The following PCDHGA7 variants were observed in gnomAD, a reference collection of about 807,000 sequenced individuals.
PCDHGA7 encodes protocadherin gamma-A7.
A neutral mutation model predicts 58.3 loss-of-function variants in PCDHGA7; 44 were observed. The observed-to-expected ratio is 0.75, with a 90% CI of 0.59 to 0.97. The LOEUF (loss-of-function observed/expected upper bound fraction) is 0.97. PCDHGA7 is among the 50% of genes least tolerant of loss of function. The pLI is 0.00. For synonymous variants in PCDHGA7, 516 were observed against 504.2 expected, an observed-to-expected ratio of 1.02 and a Z score of -0.31; for missense variants, 1,266 against 1,188.7, an observed-to-expected ratio of 1.06 and a Z score of -0.96.
In PCDHGA7 at chr5:141,432,908, C is replaced by T. The variant is rs757934634; in HGVS notation, c.2424+47585C>T. On this transcript the variant is annotated intron_variant, in intron 1 of 3. Transcript: ENST00000518325. This position sits in a 1 kb window ranked among gnomAD's most constrained non-coding sequence, Gnocchi z 6.0. Reference sequence around the variant, plus strand: ...CATCTTGCTGCTGGCGCTCAGGCTGCGGCGCTGGCACAAGTCACGCCTGCT... The same window carrying T: ...CATCTTGCTGCTGGCGCTCAGGCTGTGGCGCTGGCACAAGTCACGCCTGCT... 3.7e-5 allele frequency: 60 copies of T among 1,614,050 alleles called. No individual in the cohort carries two copies. Among genetic ancestry groups the T allele is most frequent in the Middle Eastern group, 3.3e-4 (2 of 6,082 alleles).
intron 1 of PCDHGA7, chr5:141,410,511 G>C (rs755576652): frequency 6.2e-7 from 1 of 1,613,824 alleles, no homozygotes; most frequent in Non-Finnish European, 8.5e-7. Flanking sequence ...CTAAAATGCA[G>C]TGTGCCCCTA....
At chr5:141,399,341 C>T in intron 1 of PCDHGA7, 2 of 1,613,938 alleles carry the variant, frequency 1.2e-6, no homozygotes, top group Non-Finnish European at 1.7e-6. Context: ...ACAGATGGAA[C>T]CCTAGACCGA....
intron 1 of PCDHGA7, among the ~76,000 whole-genome samples, chr5:141,437,034 C>T (rs1282216386): frequency 1.3e-5 from 2 of 152,194 alleles, no homozygotes. Context: ...AAATGGATCA[C>T]CGAAACCAGA....
Position 141,384,160 on chromosome 5 carries a change from A to G in PCDHGA7, c.1261A>G (p.Thr421Ala). Residue 421 changes from threonine (T) to alanine (A), a missense_variant, in exon 1 of 4, where the codon ACA (threonine) becomes GCA (alanine). Physicochemically the swap from Thr to Ala is moderately conservative, Grantham distance 58. Transcript: ENST00000518325. ...GGAAACACTCTCTTTGTATAACATC[A>G]CACTGAAAGCCACAGATGGTGGAAC... is the stretch of plus-strand genomic sequence containing the variant. ...DRETLSLYNI[T>A]LKATDGGTPP... 1 of 1,613,640 alleles carries G rather than the reference A, an allele frequency of 6.2e-7. No individual in the cohort carries two copies. The highest frequency in any genetic ancestry group is 1.3e-5 in the African/African-American group (1 of 75,064).
At position 141,431,270 on chromosome 5, in the gene PCDHGA7, G is replaced by C. The variant is rs369177310; in HGVS notation, c.2424+45947G>C. 1.2e-5 allele frequency: 19 copies of C among 1,613,996 alleles called. No homozygotes were observed. Among genetic ancestry groups the C allele is most frequent in the Non-Finnish European group, 1.5e-5 (18 of 1,180,018 alleles). ...CGGGAAGAACTCTCTGCAGAGCTAC[G>C]AGCTCAGCCCGAACACTCACTTCTC... is the stretch of plus-strand genomic sequence containing the variant. On this transcript the variant is annotated intron_variant, in intron 1 of 3. Coordinates refer to ENST00000518325, the MANE Select transcript of PCDHGA7 (RefSeq NM_018920.4). This position sits in a 1 kb window ranked among gnomAD's most constrained non-coding sequence, Gnocchi z 4.8.
At chr5:141,409,462 C>A (rs377705841) in intron 1 of PCDHGA7, 64 of 1,613,870 alleles carry the variant, frequency 4.0e-5, no homozygotes, top group Non-Finnish European at 5.3e-5. Flanking sequence ...AATACAATGT[C>A]ACCATCGTAG....
intron 1 of PCDHGA7, chr5:141,415,740 G>GTTTTTTGTTT (rs2095911797): frequency 3.9e-6 from 2 of 515,998 alleles, no homozygotes; most frequent in African/African-American, 2.8e-5. Context: ...GTTTATTAAG[G>GTTTTTTGTTT]TTTTTTTTTT....
chr5:141,409,474 C>T, intron 1 of PCDHGA7: 1 of 1,614,002 alleles, frequency 6.2e-7, no homozygotes, highest in Non-Finnish European at 8.5e-7. Flanking sequence ...CCATCGTAGC[C>T]ACTGACAGGG....
At chr5:141,498,670 G>A (rs1266576450) in intron 2 of PCDHGA7, among the ~76,000 whole-genome samples, 1 of 152,066 alleles carries the variant, frequency 6.6e-6, no homozygotes, top group Non-Finnish European at 1.5e-5. Flanking sequence ...GGTGGCTCAC[G>A]CCTGTAATCC....
intron 1 of PCDHGA7, among the ~76,000 whole-genome samples, chr5:141,488,305 T>C (rs1452293355): frequency 6.6e-6 from 1 of 152,234 alleles, no homozygotes; most frequent in African/African-American, 2.4e-5. Context: ...AAATCACTTA[T>C]GTCAGAAAAC....
intron 1 of PCDHGA7, among the ~76,000 whole-genome samples, chr5:141,401,282 C>T (rs963741934): frequency 2.6e-5 from 4 of 151,884 alleles, no homozygotes; most frequent in Non-Finnish European, 4.4e-5. Flanking sequence ...GTGGAGGTTG[C>T]GGTGAGCCGA....
Position 141,431,067 on chromosome 5 carries a change from A to G in PCDHGA7, c.2424+45744A>G. The G allele has an allele frequency of 1.2e-6, 2 of 1,614,164 alleles. No homozygotes were observed. Among genetic ancestry groups the G allele is most frequent in the Non-Finnish European group, 1.7e-6 (2 of 1,179,976 alleles). Reference sequence around the variant, plus strand: ...CTCTGTATGGGGGCCATCAAGTGTCAATTAAATCTAGACATTCTGATGGAG... The same window carrying G: ...CTCTGTATGGGGGCCATCAAGTGTCGATTAAATCTAGACATTCTGATGGAG... On this transcript the variant is annotated intron_variant, in intron 1 of 3. Transcript: ENST00000518325. This position sits in a 1 kb window ranked among gnomAD's most constrained non-coding sequence, Gnocchi z 4.8.
intron 1 of PCDHGA7, among the ~76,000 whole-genome samples, chr5:141,465,788 T>A (rs1322471400): frequency 6.6e-6 from 1 of 152,110 alleles, no homozygotes; most frequent in Non-Finnish European, 1.5e-5. Context: ...AGTTTTTTTT[T>A]TTTTAAGAAA....
chr5:141,507,483 T>G (rs2099860964), intron 3 of PCDHGA7, among the ~76,000 whole-genome samples: 1 of 152,184 alleles, frequency 6.6e-6, no homozygotes, highest in South Asian at 2.1e-4. Context: ...GCTGGCCTCC[T>G]GAGGCAGAGC....
At position 141,489,157 on chromosome 5, in the gene PCDHGA7, C is replaced by A. The variant is rs1222682069; in HGVS notation, c.2425-5650C>A. 1.0e-6 allele frequency: 1 copy of A among 984,444 alleles called. No homozygotes were observed. The highest frequency in any genetic ancestry group is 1.6e-5 in the African/African-American group (1 of 61,296). The allele number at this position is 984,444 out of a possible 1,614,324, so 61.0% of individuals were successfully genotyped here. On this transcript the variant is annotated intron_variant, in intron 1 of 3. Coordinates refer to ENST00000518325, the MANE Select transcript of PCDHGA7 (RefSeq NM_018920.4). This position sits in a 1 kb window ranked among gnomAD's most constrained non-coding sequence, Gnocchi z 4.5. ...AGAGGCTGGAAGGAGACATAAGAGA[C>A]TTCAGCTGCTGCATTCCAAGCCCTG...
chr5:141,490,736 A>G lies in PCDHGA7; in HGVS notation c.2425-4071A>G, dbSNP rs747567176. The G allele has an allele frequency of 5.0e-6, 8 of 1,614,084 alleles. No individual in the cohort carries two copies. Among genetic ancestry groups the G allele is most frequent in the Non-Finnish European group, 6.8e-6 (8 of 1,180,034 alleles). On this transcript the variant is annotated intron_variant, in intron 1 of 3. Transcript: ENST00000518325. This position sits in a 1 kb window ranked among gnomAD's most constrained non-coding sequence, Gnocchi z 5.4. The stretch of plus-strand genomic sequence containing the variant: ...TACTCCATTGTAGGAAATCAGGTTC[A>G]GGGAGCCCCAGCCTCCTCCTTTGTG...
In PCDHGA7 at chr5:141,384,354, C is replaced by A. The variant is rs1437330360; in HGVS notation, c.1455C>A (p.Ala485=). 6.2e-7 allele frequency: 1 copy of A among 1,613,844 alleles called. No individual in the cohort carries two copies. Among genetic ancestry groups the A allele is most frequent in the Non-Finnish European group, 8.5e-7 (1 of 1,179,884 alleles). ...TAQDHDSEDN[A]QITYSLAEDT... ...AGGACCACGACAGTGAGGATAATGC[C>A]CAGATCACTTATTCCTTGGCCGAAG... Residue 485 remains alanine, a synonymous_variant, in exon 1 of 4, where the codon GCC becomes GCA. Coordinates refer to ENST00000518325, the MANE Select transcript of PCDHGA7 (RefSeq NM_018920.4).
In PCDHGA7 at chr5:141,485,792, G is replaced by A. The variant is rs114766079; in HGVS notation, c.2425-9015G>A. The A allele has an allele frequency of 6.2e-7, 1 of 1,614,236 alleles. No homozygotes were observed. Among genetic ancestry groups the A allele is most frequent in the East Asian group, 2.2e-5 (1 of 44,880 alleles). ...GCCTTTGGATCGAGAGAAGCAATCG[G>A]ACTACCGCCTGGTGCTGACTGCTGT... On this transcript the variant is annotated intron_variant, in intron 1 of 3. Coordinates refer to ENST00000518325, the MANE Select transcript of PCDHGA7 (RefSeq NM_018920.4). This position sits in a 1 kb window ranked among gnomAD's most constrained non-coding sequence, Gnocchi z 5.7.
rs747474981 is a variant in PCDHGA7, at chr5:141,383,546, A to G, written c.647A>G (p.Asp216Gly). 6.2e-7 allele frequency: 1 copy of G among 1,612,542 alleles called. No homozygotes were observed. The highest frequency in any genetic ancestry group is 8.5e-7 in the Non-Finnish European group (1 of 1,179,436). ...CACCACCTGGTCCTCACAGCCTCTG[A>G]TGGCGGCGACCCGCCCCGATCCAGC... ...RVHHLVLTAS[D>G]GGDPPRSSTA... is the part of the protein sequence containing the mutation. Residue 216 changes from aspartate to glycine, a missense_variant, in exon 1 of 4, where the codon GAT (aspartate) becomes GGT (glycine). By Grantham distance (94) the Asp-to-Gly change is moderately conservative. Transcript: ENST00000518325.
Sources: allele counts gnomAD v4.1 joint callset (sites outside exome capture counted in the v4.1 genomes callset), GRCh38; gene constraint gnomAD v4.1.1; non-coding constraint Gnocchi (gnomAD v3.1); transcripts MANE v1.5; gene names NCBI Gene and HGNC (gene_info 2026-07-23, HGNC 2026-07-21).